The following ADK variants were observed in gnomAD, a reference collection of about 807,000 sequenced individuals.
ADK encodes adenosine kinase, also known as N6,N6-dimethyladenosine kinase.
In ADK, 24 loss-of-function variants were observed where a neutral mutation model predicts 44.7. The ratio of observed to expected loss-of-function variants is 0.54; its 90% confidence interval spans 0.39 to 0.76. The LOEUF is 0.76. Among genes scored for constraint, ADK ranks in the 30% least tolerant of loss-of-function variants. The probability of loss-of-function intolerance (pLI) is 0.00; values close to 1 mark genes in which losing one functional copy is unlikely to be tolerated. For missense variants in ADK, 321 were observed against 425.1 expected (o/e 0.76, Z 2.15); for synonymous variants, 128 against 142.6 (o/e 0.90, Z 0.73).
intron 7 of ADK, among the ~76,000 whole-genome samples, chr10:74,570,421 C>T (rs2133853783): frequency 6.6e-6 from 1 of 152,204 alleles, no homozygotes. Flanking sequence ...GAATGTTCTT[C>T]CATTTGTTTG....
At chr10:74,309,953 T>C (rs1163533740) in intron 3 of ADK, among the ~76,000 whole-genome samples, 2 of 152,278 alleles carry the variant, frequency 1.3e-5, no homozygotes, top group East Asian at 1.9e-4. Flanking sequence ...TTTTTGTACA[T>C]TTGTTTAATA....
At chr10:74,594,637 A>G (rs1394048384) in intron 8 of ADK, among the ~76,000 whole-genome samples, 4 of 151,616 alleles carry the variant, frequency 2.6e-5, no homozygotes, top group Non-Finnish European at 4.4e-5. Flanking sequence ...GCTGTCTGAA[A>G]GAGATGTATC....
intron 3 of ADK, among the ~76,000 whole-genome samples, chr10:74,227,556 A>G (rs1317703105): frequency 1.3e-5 from 2 of 152,050 alleles, no homozygotes; most frequent in Non-Finnish European, 2.9e-5. Context: ...CGAAAAACTT[A>G]AAAAAGGCCG....
intron 6 of ADK, among the ~76,000 whole-genome samples, chr10:74,430,692 A>G (rs559765404): frequency 5.9e-5 from 9 of 152,166 alleles, no homozygotes; most frequent in African/African-American, 1.7e-4. Context: ...CTCTCAATAT[A>G]TAGTAGGGAA....
At chr10:74,338,329 G>A (rs980840480) in intron 4 of ADK, among the ~76,000 whole-genome samples, 3 of 152,142 alleles carry the variant, frequency 2.0e-5, no homozygotes, top group African/African-American at 7.2e-5. Flanking sequence ...ATAGGAAAAT[G>A]ACACAGCCAC....
chr10:74,709,050 C>T lies in ADK; in HGVS notation c.*605C>T, dbSNP rs977130497. ...AATAATGTGCCAAATTTAAGTTGTA[C>T]CACAATATTCAAATCATAGTCTTAT... On this transcript the variant is annotated 3_prime_UTR_variant, in exon 11 of 11. Transcript: ENST00000539909. 6 of 152,884 alleles carry T rather than the reference C, an allele frequency of 3.9e-5. No homozygotes were observed. Among genetic ancestry groups the T allele is most frequent in the African/African-American group, 1.2e-4 (5 of 41,404 alleles). 9.5% of individuals were successfully genotyped at this position (152,884 alleles called of 1,614,324 possible).
intron 2 of ADK, among the ~76,000 whole-genome samples, chr10:74,203,636 A>G (rs1190983099): frequency 1.3e-5 from 2 of 151,874 alleles, no homozygotes; most frequent in Non-Finnish European, 2.9e-5. Context: ...TGGCCTCCCA[A>G]AGTGCTGGGA....
intron 1 of ADK, among the ~76,000 whole-genome samples, chr10:74,168,223 G>T (rs549655116): frequency 1.3e-5 from 2 of 152,260 alleles, no homozygotes; most frequent in South Asian, 2.1e-4. Flanking sequence ...ATAAATATTT[G>T]TTGAGTTAAT....
chr10:74,329,477 T>G (rs538355578), intron 4 of ADK, among the ~76,000 whole-genome samples: 196 of 152,354 alleles, frequency 1.3e-3, no homozygotes, highest in Middle Eastern at 3.4e-3. Flanking sequence ...CCTTGGCTTA[T>G]AGACTTCACT....
intron 6 of ADK, among the ~76,000 whole-genome samples, chr10:74,463,864 A>G (rs576749087): frequency 6.6e-6 from 1 of 152,284 alleles, no homozygotes; most frequent in South Asian, 2.1e-4. Context: ...GTGTAAATAT[A>G]ATTAATAAGG....
chr10:74,285,969 A>C (rs1245109876), intron 3 of ADK, among the ~76,000 whole-genome samples: 1 of 152,172 alleles, frequency 6.6e-6, no homozygotes, highest in Non-Finnish European at 1.5e-5. Flanking sequence ...TATTCTTAAG[A>C]TCATATCCTT....
At chr10:74,438,477 G>C (rs528495701) in intron 6 of ADK, among the ~76,000 whole-genome samples, 2 of 151,220 alleles carry the variant, frequency 1.3e-5, no homozygotes, top group Admixed American at 1.3e-4. Context: ...TGATCCCTCC[G>C]CCTCAGCCTC....
intron 7 of ADK, among the ~76,000 whole-genome samples, chr10:74,572,252 T>C (rs1850997263): frequency 6.6e-6 from 1 of 152,240 alleles, no homozygotes; most frequent in Admixed American, 6.5e-5. Flanking sequence ...TTATTTCTCC[T>C]TCACTTATGA....
intron 4 of ADK, among the ~76,000 whole-genome samples, chr10:74,360,078 G>A (rs1270114443): frequency 1.3e-5 from 2 of 152,054 alleles, no homozygotes; most frequent in Non-Finnish European, 2.9e-5. Context: ...GATCTCTCCT[G>A]GAGAATGTTC....
chr10:74,172,048 A>G (rs1338477532), intron 1 of ADK, among the ~76,000 whole-genome samples: 2 of 151,846 alleles, frequency 1.3e-5, no homozygotes, highest in Admixed American at 6.6e-5. Flanking sequence ...CACGACTGGT[A>G]CTTAAATTTT....
intron 9 of ADK, among the ~76,000 whole-genome samples, chr10:74,640,616 T>C (rs1018437932): frequency 6.6e-6 from 1 of 152,252 alleles, no homozygotes; most frequent in Non-Finnish European, 1.5e-5. Context: ...ATCGGCAAAC[T>C]TTTTATAAAG....
chr10:74,299,530 A>ATG lies in ADK; in HGVS notation c.195-15136_195-15135insGT, dbSNP rs1467386804. 6.8e-5 allele frequency among the ~76,000 whole-genome samples: 10 copies of ATG among 146,940 alleles called. No individual in the cohort carries two copies. The South Asian group carries it at 2.1e-3, about 31-fold the overall frequency. On this transcript the variant is annotated intron_variant, in intron 3 of 10. Transcript: ENST00000539909. ...AAAAAAAAGAAATATATATATATAT[A>ATG]TAAAATATATTAAAATACATATTTA...
At chr10:74,534,312 C>T (rs1380306025) in intron 7 of ADK, among the ~76,000 whole-genome samples, 2 of 152,090 alleles carry the variant, frequency 1.3e-5, no homozygotes, top group East Asian at 3.8e-4. Flanking sequence ...TACTTTGATT[C>T]CATTTATATG....
intron 6 of ADK, among the ~76,000 whole-genome samples, chr10:74,433,642 A>AT (rs768191985): frequency 5.9e-5 from 9 of 152,176 alleles, no homozygotes; most frequent in South Asian, 2.1e-4. Flanking sequence ...GTATAGAGTG[A>AT]TTTTTTTATT....
Sources: allele counts gnomAD v4.1 joint callset (sites outside exome capture counted in the v4.1 genomes callset), GRCh38; gene constraint gnomAD v4.1.1; transcripts MANE v1.5; gene names NCBI Gene and HGNC (gene_info 2026-07-23, HGNC 2026-07-21).